DLG2: variants seen among roughly 807,000 people sequenced by gnomAD.
The protein encoded by DLG2 is disks large homolog 2.
A neutral mutation model predicts 132.5 loss-of-function variants in DLG2; 45 were observed. The observed-to-expected ratio is 0.34, with a 90% CI of 0.27 to 0.44. The LOEUF is 0.44. DLG2 is among the 20% of genes least tolerant of loss of function. The pLI is 1.00. For synonymous variants in DLG2, 424 were observed against 419.6 expected, an observed-to-expected ratio of 1.01 and a Z score of -0.13; for missense variants, 1,045 against 1,196.9, an observed-to-expected ratio of 0.87 and a Z score of 1.87.
chr11:84,211,023 C>T (rs2096747690), intron 8 of DLG2, among the ~76,000 whole-genome samples: 1 of 152,164 alleles, frequency 6.6e-6, no homozygotes, highest in African/African-American at 2.4e-5. Context: ...AAGAAAAGCT[C>T]TGACTTGAAC....
At chr11:85,410,432 T>C (rs903693042) in intron 3 of DLG2, among the ~76,000 whole-genome samples, 13 of 151,764 alleles carry the variant, frequency 8.6e-5, no homozygotes, top group Non-Finnish European at 1.0e-4. Context: ...AGGTGCCCCT[T>C]TCTCAAAAGA....
At chr11:84,766,627 C>A (rs2068455187) in intron 6 of DLG2, among the ~76,000 whole-genome samples, 1 of 152,060 alleles carries the variant, frequency 6.6e-6, no homozygotes, top group Non-Finnish European at 1.5e-5. Context: ...TCAGACCTGT[C>A]TCACATTCAG....
chr11:83,496,118 C>T (rs1418617667), intron 21 of DLG2, among the ~76,000 whole-genome samples: 1 of 150,764 alleles, frequency 6.6e-6, no homozygotes, highest in Non-Finnish European at 1.5e-5. Context: ...TAAAGTCCTA[C>T]AATTGAAAAA....
chr11:83,844,432 C>T (rs1156646000), intron 16 of DLG2, among the ~76,000 whole-genome samples: 1 of 149,846 alleles, frequency 6.7e-6, no homozygotes, highest in Non-Finnish European at 1.5e-5. Context: ...TCTGTAATCC[C>T]AGCTACTTGG....
At chr11:84,281,006 C>G (rs1421693938) in intron 7 of DLG2, among the ~76,000 whole-genome samples, 1 of 151,368 alleles carries the variant, frequency 6.6e-6, no homozygotes, top group African/African-American at 2.4e-5. Context: ...CAGGCGTGAG[C>G]CACCGTGCCC....
rs948085242 is a variant in DLG2 at position 83,456,208 on chromosome 11, C to T, written c.*3610G>A. On this transcript the variant is annotated 3_prime_UTR_variant, in exon 28 of 28. Coordinates refer to ENST00000376104, the MANE Select transcript of DLG2 (RefSeq NM_001142699.3). ...TGCGGTAGTGCTGGGAGTGGGCTCGCTTAGGAGCAGTGTTCAGGCAGAGGC... is the reference window on the plus strand; with the variant it reads ...TGCGGTAGTGCTGGGAGTGGGCTCGTTTAGGAGCAGTGTTCAGGCAGAGGC... 1 of 152,512 alleles carries T rather than the reference C, an allele frequency of 6.6e-6. No individual in the cohort carries two copies. The highest frequency in any genetic ancestry group is 2.4e-5 in the African/African-American group (1 of 41,190). The allele number at this position is 152,512 out of a possible 1,614,324, so 9.4% of individuals were successfully genotyped here.
At chr11:84,005,812 C>CA (rs1364147180) in intron 11 of DLG2, among the ~76,000 whole-genome samples, 2 of 151,702 alleles carry the variant, frequency 1.3e-5, no homozygotes, top group Non-Finnish European at 1.5e-5. Flanking sequence ...ATTAAAAAGA[C>CA]AAAAAATAAC....
chr11:84,060,814 T>C lies in DLG2; in HGVS notation c.750-1330A>G, dbSNP rs542169854. Among the ~76,000 whole-genome samples, 635 of 152,062 alleles carry C rather than the reference T, an allele frequency of 4.2e-3. 1 individual carries two copies. The highest frequency in any genetic ancestry group is 6.2e-3 in the Non-Finnish European group (419 of 67,984). On this transcript the variant is annotated intron_variant, in intron 10 of 27. Transcript: ENST00000376104. ...GGCCTCCTTTGCTTGATGCTTCTTT[T>C]CCCCCACCACCACGCAGTCAGTTCT...
At chr11:85,506,552 T>A (rs2093938816) in intron 3 of DLG2, among the ~76,000 whole-genome samples, 1 of 152,198 alleles carries the variant, frequency 6.6e-6, no homozygotes, top group Non-Finnish European at 1.5e-5. Context: ...AATCCTGAGT[T>A]CTAATGTGAT....
intron 16 of DLG2, among the ~76,000 whole-genome samples, chr11:83,850,162 T>TGTGTGTGTGTGTGTGTGTGTGTGTG (rs59045992): frequency 1.5e-4 from 17 of 115,512 alleles, no homozygotes; most frequent in Admixed American, 4.5e-4. Context: ...GTGTGTGTGT[T>TGTGTGTGTGTGTGTGTGTGTGTGTG]TTTTTACTTG....
At chr11:83,932,306 C>T (rs1047447667) in intron 14 of DLG2, among the ~76,000 whole-genome samples, 1 of 151,738 alleles carries the variant, frequency 6.6e-6, no homozygotes, top group African/African-American at 2.4e-5. Context: ...GCAATCTCGG[C>T]TCACTGCAAA....
At position 84,934,517 on chromosome 11, in the gene DLG2, T is replaced by TGG. The variant is rs1566441644; in HGVS notation, c.357+177143_357+177144insCC. Among the ~76,000 whole-genome samples the TGG allele has an allele frequency of 8.6e-4, 49 of 57,106 alleles. 1 individual carries two copies. In the East Asian group the frequency reaches 0.048, roughly 56 times the overall value. 37.5% of individuals were successfully genotyped at this position (57,106 alleles called of 152,430 possible). A position where few individuals can be genotyped will look rare whatever the true frequency, so the allele number is the denominator to read the frequency against. ...ATGGTCCTGGGTGTTTTTTTTTTGT[T>TGG]TTGTTTTGTTTTTTTTTTTTTTTTT... On this transcript the variant is annotated intron_variant, in intron 6 of 27. Coordinates refer to ENST00000376104, the MANE Select transcript of DLG2 (RefSeq NM_001142699.3).
intron 6 of DLG2, among the ~76,000 whole-genome samples, chr11:85,010,998 A>T (rs1054490140): frequency 6.6e-6 from 1 of 152,194 alleles, no homozygotes; most frequent in Non-Finnish European, 1.5e-5. Flanking sequence ...TTCAGACAAG[A>T]AAGAGATTCA....
intron 4 of DLG2, among the ~76,000 whole-genome samples, chr11:85,223,683 A>G (rs971574801): frequency 1.1e-4 from 17 of 152,134 alleles, no homozygotes; most frequent in Non-Finnish European, 2.9e-5. Flanking sequence ...TCTAGAATAC[A>G]GGAGAAAATG....
At chr11:85,583,147 T>TATAC (rs2078722301) in intron 3 of DLG2, among the ~76,000 whole-genome samples, 1 of 112,500 alleles carries the variant, frequency 8.9e-6, no homozygotes, top group Admixed American at 9.1e-5. Context: ...TATATATATA[T>TATAC]ATATATATAT....
At chr11:85,361,135 C>T (rs910463301) in intron 3 of DLG2, among the ~76,000 whole-genome samples, 1 of 152,006 alleles carries the variant, frequency 6.6e-6, no homozygotes, top group African/African-American at 2.4e-5. Context: ...GATCCCAGAC[C>T]CCAGATTCTG....
intron 12 of DLG2, among the ~76,000 whole-genome samples, chr11:83,966,499 T>C (rs1209289190): frequency 2.6e-5 from 4 of 152,016 alleles, no homozygotes. Flanking sequence ...CTGCACCACT[T>C]CTCTGAAATG....
chr11:85,027,361 A>G (rs2060625316), intron 6 of DLG2, among the ~76,000 whole-genome samples: 1 of 152,120 alleles, frequency 6.6e-6, no homozygotes, highest in Admixed American at 6.5e-5. Flanking sequence ...TACTCTATCC[A>G]GAAGCAGGGG....
chr11:85,137,690 T>C (rs1373442030), intron 5 of DLG2, among the ~76,000 whole-genome samples: 2 of 152,120 alleles, frequency 1.3e-5, no homozygotes, highest in Admixed American at 1.3e-4. Flanking sequence ...GGACTCCACA[T>C]TAGAAAGATT....
Sources: allele counts gnomAD v4.1 joint callset (sites outside exome capture counted in the v4.1 genomes callset), GRCh38; gene constraint gnomAD v4.1.1; transcripts MANE v1.5; gene names NCBI Gene and HGNC (gene_info 2026-07-23, HGNC 2026-07-21).